The following OR1J2 variants were observed in gnomAD, a reference collection of about 807,000 sequenced individuals.
The protein encoded by OR1J2 is olfactory receptor family 1 subfamily J member 2.
For missense variants in OR1J2, 304 were observed against 246.1 expected (o/e 1.24, Z -1.57); for synonymous variants, 142 against 99.7 (o/e 1.42, Z -2.52).
chr9:122,526,785 C>T, the OR1J2 span: 1 of 1,614,042 alleles, frequency 6.2e-7, no homozygotes, highest in African/African-American at 1.3e-5. Flanking sequence ...AGCAATTTCC[C>T]CAGTCACACA....
chr9:122,553,608 C>A, the OR1J2 span: 1 of 1,614,138 alleles, frequency 6.2e-7, no homozygotes. Context: ...CTGCCAACCA[C>A]TCCATTACAG....
the OR1J2 span, chr9:122,526,659 A>G: frequency 1.2e-6 from 2 of 1,614,192 alleles, no homozygotes; most frequent in African/African-American, 2.7e-5. Flanking sequence ...GGAGGTGACA[A>G]TGCATAAAAA....
At chr9:122,492,078 G>A in the OR1J2 span, among the ~76,000 whole-genome samples, 7 of 152,072 alleles carry the variant, frequency 4.6e-5, no homozygotes, top group East Asian at 5.8e-4. Flanking sequence ...TAATGCTGAG[G>A]TTTGGGGTAT....
At chr9:122,550,160 G>A in the OR1J2 span, among the ~76,000 whole-genome samples, 1 of 152,066 alleles carries the variant, frequency 6.6e-6, no homozygotes, top group Admixed American at 6.6e-5. Flanking sequence ...TTGAGGAAAT[G>A]GATAAATTCT....
At chr9:122,569,948 C>T in the OR1J2 span, among the ~76,000 whole-genome samples, 48 of 149,686 alleles carry the variant, frequency 3.2e-4, no homozygotes, top group East Asian at 1.2e-3. Context: ...TTTGTTCTTG[C>T]GATAGTTTAC....
chr9:122,573,718 CTT>C, the OR1J2 span, among the ~76,000 whole-genome samples: 4 of 152,120 alleles, frequency 2.6e-5, no homozygotes, highest in Non-Finnish European at 5.9e-5. Context: ...TTGACAGTGA[CTT>C]TTGCAGAACA....
the OR1J2 span, among the ~76,000 whole-genome samples, chr9:122,544,577 T>C: frequency 7.2e-4 from 110 of 152,154 alleles, no homozygotes; most frequent in African/African-American, 2.5e-3. Context: ...TGTGCCACTA[T>C]GCCTGGCTAA....
At chr9:122,558,621 C>T in the OR1J2 span, among the ~76,000 whole-genome samples, 1 of 151,510 alleles carries the variant, frequency 6.6e-6, no homozygotes, top group African/African-American at 2.4e-5. Flanking sequence ...TTAGTTTTCC[C>T]ATTGGGAAGG....
chr9:122,500,058 T>G, the OR1J2 span, among the ~76,000 whole-genome samples: 1 of 152,210 alleles, frequency 6.6e-6, no homozygotes, highest in Non-Finnish European at 1.5e-5. Flanking sequence ...GTTACTGTGT[T>G]CTAGAGCAGG....
chr9:122,532,750 A>G, the OR1J2 span, among the ~76,000 whole-genome samples: 1 of 152,102 alleles, frequency 6.6e-6, no homozygotes, highest in African/African-American at 2.4e-5. Context: ...TGGTCAGCCT[A>G]AAACAGTAAG....
At chr9:122,573,316 CT>C in the OR1J2 span, among the ~76,000 whole-genome samples, 1 of 152,254 alleles carries the variant, frequency 6.6e-6, no homozygotes, top group Non-Finnish European at 1.5e-5. Flanking sequence ...CTCAGAGCTT[CT>C]TAACTTCACT....
the OR1J2 span, among the ~76,000 whole-genome samples, chr9:122,450,846 G>A: frequency 1.6e-4 from 24 of 152,038 alleles, no homozygotes; most frequent in Non-Finnish European, 3.1e-4. Flanking sequence ...AGATCATGTG[G>A]TATCTGCTTT....
the OR1J2 span, among the ~76,000 whole-genome samples, chr9:122,486,011 A>C: frequency 6.8e-6 from 1 of 146,572 alleles, no homozygotes; most frequent in Non-Finnish European, 1.5e-5. Flanking sequence ...GCTGGAGTGC[A>C]GTGCAGTGGA....
At chr9:122,559,094 A>G in the OR1J2 span, among the ~76,000 whole-genome samples, 4 of 152,018 alleles carry the variant, frequency 2.6e-5, no homozygotes, top group Non-Finnish European at 4.4e-5. Flanking sequence ...TGAAATTACA[A>G]TACATTATTG....
At chr9:122,498,294 G>T in the OR1J2 span, among the ~76,000 whole-genome samples, 1 of 151,932 alleles carries the variant, frequency 6.6e-6, no homozygotes, top group African/African-American at 2.4e-5. Context: ...GTCACTTTAT[G>T]TAATCCCAAG....
At chr9:122,473,201 A>G in the OR1J2 span, among the ~76,000 whole-genome samples, 2 of 145,832 alleles carry the variant, frequency 1.4e-5, no homozygotes, top group African/African-American at 2.8e-5. Context: ...TTTTAGTACA[A>G]TCTGTAACAA....
the OR1J2 span, chr9:122,567,657 G>A: frequency 1.2e-6 from 2 of 1,614,006 alleles, no homozygotes; most frequent in South Asian, 1.1e-5. Flanking sequence ...AACAATTGTT[G>A]CCACGTGGTC....
chr9:122,510,943 C>T lies in OR1J2; in HGVS notation c.142C>T (p.Leu48Phe). 1.9e-6 allele frequency: 3 copies of T among 1,612,578 alleles called. No homozygotes were observed. The highest frequency in any genetic ancestry group is 1.7e-5 in the Admixed American group (1 of 60,032). ...GCTGGGGAACCTGCTCATCATGCTG[C>T]TCATCCAGCTGGACTCTCACCTTCA... ...TVLGNLLIMLLIQLDSHLHTP... is the reference protein window; with the variant it reads ...TVLGNLLIMLFIQLDSHLHTP... Residue 48 changes from leucine (L) to phenylalanine (F), a missense_variant, in exon 1 of 1, where the codon CTC becomes TTC. Transcript: ENST00000335302.
the OR1J2 span, among the ~76,000 whole-genome samples, chr9:122,564,877 A>G: frequency 6.6e-6 from 1 of 152,246 alleles, no homozygotes; most frequent in African/African-American, 2.4e-5. Flanking sequence ...GTCATAATCA[A>G]GTTCACAGAA....
Sources: gnomAD v4.1 joint callset for allele counts (sites outside exome capture counted in the v4.1 genomes callset) on GRCh38, gnomAD v4.1.1 for gene constraint, MANE v1.5 for transcripts, NCBI Gene and HGNC (gene_info 2026-07-23, HGNC 2026-07-21) for gene names.